CACNG3: variants seen among roughly 807,000 people sequenced by gnomAD.
CACNG3 encodes voltage-dependent calcium channel gamma-3 subunit.
CACNG3 carries 3 observed loss-of-function variants against 28.5 expected under a neutral mutation model. That is an observed-to-expected ratio of 0.11 (90% CI 0.05 to 0.27). The LOEUF is 0.27. Ranked by LOEUF, CACNG3 falls within the 10% of genes least tolerant of loss-of-function variation. CACNG3 has a pLI of 1.00. For missense variants in CACNG3, 236 were observed against 414.4 expected (o/e 0.57, Z 3.74); for synonymous variants, 174 against 162.2 (o/e 1.07, Z -0.55).
At chr16:24,356,837 T>C (rs1281919779) in intron 3 of CACNG3, among the ~76,000 whole-genome samples, 2 of 152,130 alleles carry the variant, frequency 1.3e-5, no homozygotes, top group African/African-American at 4.8e-5. Context: ...GAAGTTTAAT[T>C]GACTCACAGT....
chr16:24,262,437 C>T (rs968638418), intron 1 of CACNG3, among the ~76,000 whole-genome samples: 3 of 152,136 alleles, frequency 2.0e-5, no homozygotes, highest in African/African-American at 4.8e-5. Context: ...GTGTCCATAG[C>T]GCCATACTGG....
At chr16:24,280,841 A>G (rs1898816950) in intron 1 of CACNG3, among the ~76,000 whole-genome samples, 1 of 151,350 alleles carries the variant, frequency 6.6e-6, no homozygotes, top group Admixed American at 6.6e-5. Context: ...AAAAAAAAAA[A>G]AAAAGACCAG....
intron 2 of CACNG3, among the ~76,000 whole-genome samples, chr16:24,354,038 C>T (rs552608779): frequency 6.6e-5 from 10 of 152,110 alleles, no homozygotes; most frequent in African/African-American, 2.4e-4. Context: ...ACAAAAAATA[C>T]AAAAATCAGC....
At chr16:24,306,943 T>C (rs1478913165) in intron 1 of CACNG3, among the ~76,000 whole-genome samples, 1 of 152,118 alleles carries the variant, frequency 6.6e-6, no homozygotes, top group Non-Finnish European at 1.5e-5. Context: ...ACAGTTCTTA[T>C]CCGACACAAC....
At chr16:24,330,577 T>C (rs1240356183) in intron 1 of CACNG3, among the ~76,000 whole-genome samples, 3 of 152,236 alleles carry the variant, frequency 2.0e-5, no homozygotes, top group Non-Finnish European at 2.9e-5. Context: ...TCAAAGCCTC[T>C]AATTCAGGGC....
At chr16:24,353,745 G>A (rs1453077839) in intron 2 of CACNG3, among the ~76,000 whole-genome samples, 1 of 152,172 alleles carries the variant, frequency 6.6e-6, no homozygotes, top group East Asian at 1.9e-4. Flanking sequence ...TGACTAAATG[G>A]GTATTCAATG....
intron 1 of CACNG3, among the ~76,000 whole-genome samples, chr16:24,273,687 A>G (rs937791090): frequency 1.5e-4 from 23 of 152,188 alleles, no homozygotes; most frequent in Admixed American, 3.9e-4. Context: ...TGTGGTTTCA[A>G]TGTCACAATC....
chr16:24,280,821 CAAAA>C (rs71154295), intron 1 of CACNG3, among the ~76,000 whole-genome samples: 7 of 55,626 alleles, frequency 1.3e-4, no homozygotes, highest in Non-Finnish European at 1.9e-4. Flanking sequence ...GAGTTTGTCT[CAAAA>C]AAAAAAAAAA....
intron 1 of CACNG3, among the ~76,000 whole-genome samples, chr16:24,297,450 C>A (rs766992402): frequency 2.6e-5 from 4 of 151,904 alleles, no homozygotes; most frequent in African/African-American, 9.7e-5. Context: ...AAACTATAAC[C>A]AAAACCCTCT....
intron 1 of CACNG3, among the ~76,000 whole-genome samples, chr16:24,333,732 C>G (rs552114266): frequency 1.3e-5 from 2 of 152,038 alleles, no homozygotes; most frequent in Admixed American, 6.5e-5. Flanking sequence ...ATCCTAGCTA[C>G]TCAGGAGGCT....
Position 24,332,693 on chromosome 16 carries a change from G to T in CACNG3, c.212-14041G>T, listed in dbSNP as rs994175791. Among the ~76,000 whole-genome samples the T allele has an allele frequency of 3.3e-5, 5 of 152,072 alleles. No homozygotes were observed. The East Asian group carries it at 5.8e-4, about 18-fold the overall frequency. On this transcript the variant is annotated intron_variant, in intron 1 of 3. Transcript: ENST00000005284. ...TTATCCAAATCCCTGTGTGCGCAAG[G>T]TTGCACGGACAGGCAAGTAAACTCT...
At chr16:24,284,607 G>C (rs1195881251) in intron 1 of CACNG3, among the ~76,000 whole-genome samples, 1 of 152,052 alleles carries the variant, frequency 6.6e-6, no homozygotes, top group Non-Finnish European at 1.5e-5. Flanking sequence ...TTTAGGTTTT[G>C]AATTTTCATC....
chr16:24,314,860 AG>A (rs1227734707), intron 1 of CACNG3, among the ~76,000 whole-genome samples: 1 of 151,792 alleles, frequency 6.6e-6, no homozygotes, highest in Non-Finnish European at 1.5e-5. Context: ...GATGGAAAAT[AG>A]GGGCTGCAGG....
rs890386786 is a variant in CACNG3 at position 24,294,586 on chromosome 16, A to G, written c.211+37621A>G. 2.0e-5 allele frequency among the ~76,000 whole-genome samples: 3 copies of G among 152,158 alleles called. No homozygotes were observed. The East Asian group carries it at 5.8e-4, about 29-fold the overall frequency. On this transcript the variant is annotated intron_variant, in intron 1 of 3. Coordinates refer to ENST00000005284, the MANE Select transcript of CACNG3 (RefSeq NM_006539.4). ...TCCTGACAGGAACAAACAAAAGATA[A>G]TTCAGGGTCTCACTATGTTGCTTAG... is the stretch of plus-strand genomic sequence containing the variant.
chr16:24,282,773 T>C (rs1022883809), intron 1 of CACNG3, among the ~76,000 whole-genome samples: 4 of 152,148 alleles, frequency 2.6e-5, no homozygotes, highest in Non-Finnish European at 4.4e-5. Flanking sequence ...TATGAACATA[T>C]CTATTTCTGA....
chr16:24,327,436 G>GTA (rs1162289233), intron 1 of CACNG3, among the ~76,000 whole-genome samples: 20 of 67,208 alleles, frequency 3.0e-4, no homozygotes, highest in Non-Finnish European at 4.1e-4. Flanking sequence ...GTGTGTGTGT[G>GTA]TGTATATATA....
chr16:24,264,677 A>C (rs114321777), intron 1 of CACNG3, among the ~76,000 whole-genome samples: 3,688 of 152,278 alleles, frequency 0.024, 161 homozygotes, highest in African/African-American at 0.084. Context: ...TACATACAGA[A>C]GGTGCTAGAA....
chr16:24,322,119 C>T (rs1313888587), intron 1 of CACNG3, among the ~76,000 whole-genome samples: 5 of 152,016 alleles, frequency 3.3e-5, no homozygotes, highest in Non-Finnish European at 5.9e-5. Context: ...ACCAGACAGG[C>T]GGGAGGAGGA....
intron 3 of CACNG3, among the ~76,000 whole-genome samples, chr16:24,358,057 T>C (rs1266093318): frequency 6.6e-6 from 1 of 152,162 alleles, no homozygotes; most frequent in Non-Finnish European, 1.5e-5. Flanking sequence ...TTTTTCCACC[T>C]CTAAAATGAA....
Sources: gnomAD v4.1 joint callset for allele counts (sites outside exome capture counted in the v4.1 genomes callset) on GRCh38, gnomAD v4.1.1 for gene constraint, MANE v1.5 for transcripts, NCBI Gene and HGNC (gene_info 2026-07-23, HGNC 2026-07-21) for gene names.